The following PTPRD variants were observed in gnomAD, a reference collection of about 807,000 sequenced individuals.
PTPRD encodes the protein protein tyrosine phosphatase receptor type D.
PTPRD carries 34 observed loss-of-function variants against 214.5 expected under a neutral mutation model. The ratio of observed to expected loss-of-function variants is 0.16; its 90% confidence interval spans 0.12 to 0.21. PTPRD has a LOEUF of 0.21. Among genes scored for constraint, PTPRD ranks in the 10% least tolerant of loss-of-function variants. The probability of loss-of-function intolerance (pLI) is 1.00; values close to 1 mark genes in which losing one functional copy is unlikely to be tolerated. For missense variants in PTPRD, 2,545 were observed against 2,398.7 expected, an observed-to-expected ratio of 1.06 and a Z score of -1.27; for synonymous variants, 1,128 against 845.7, an observed-to-expected ratio of 1.33 and a Z score of -5.79.
At chr9:9,802,535 C>G (rs956744171) in intron 5 of PTPRD, among the ~76,000 whole-genome samples, 2 of 151,894 alleles carry the variant, frequency 1.3e-5, no homozygotes, top group African/African-American at 4.8e-5. Context: ...TTATACATCT[C>G]TGGCTCTATA....
intron 2 of PTPRD, among the ~76,000 whole-genome samples, chr9:10,541,827 T>C (rs1284261968): frequency 1.3e-5 from 2 of 151,968 alleles, no homozygotes; most frequent in Non-Finnish European, 1.5e-5. Context: ...CCAAAATGGG[T>C]TAAATATATT....
chr9:9,056,884 T>A (rs1477525065), intron 10 of PTPRD, among the ~76,000 whole-genome samples: 1 of 152,216 alleles, frequency 6.6e-6, no homozygotes, highest in Non-Finnish European at 1.5e-5. Flanking sequence ...AAAGAATCCA[T>A]CAGGATGATG....
chr9:10,347,823 C>T (rs980325159), intron 2 of PTPRD, among the ~76,000 whole-genome samples: 11 of 151,934 alleles, frequency 7.2e-5, no homozygotes, highest in Non-Finnish European at 1.5e-4. Context: ...TTTGGGAGGC[C>T]GAGGCAGGAG....
chr9:9,031,033 CTT>C (rs1418170529), intron 10 of PTPRD, among the ~76,000 whole-genome samples: 1 of 151,786 alleles, frequency 6.6e-6, no homozygotes, highest in Non-Finnish European at 1.5e-5. Context: ...GTACTTAAGA[CTT>C]TGGTAAAATG....
intron 5 of PTPRD, among the ~76,000 whole-genome samples, chr9:9,878,069 A>G (rs918774214): frequency 2.6e-4 from 40 of 151,666 alleles, no homozygotes; most frequent in Admixed American, 2.6e-3. Context: ...TGATTGTTTG[A>G]TCAGATAAAG....
intron 3 of PTPRD, among the ~76,000 whole-genome samples, chr9:10,303,816 C>T (rs931655041): frequency 2.4e-4 from 37 of 152,070 alleles, no homozygotes; most frequent in African/African-American, 8.9e-4. Flanking sequence ...GGATTCACAG[C>T]CAAATTCTAC....
At chr9:9,606,152 A>C (rs922563419) in intron 7 of PTPRD, among the ~76,000 whole-genome samples, 5 of 152,080 alleles carry the variant, frequency 3.3e-5, no homozygotes. Flanking sequence ...AGATAACCAT[A>C]AGCACTTTAA....
intron 10 of PTPRD, among the ~76,000 whole-genome samples, chr9:9,061,258 C>G (rs553009273): frequency 3.9e-5 from 6 of 152,246 alleles, no homozygotes; most frequent in African/African-American, 1.4e-4. Flanking sequence ...CAAAAGAAAA[C>G]AGACAAAGCA....
chr9:8,499,088 T>G (rs1009358661), intron 25 of PTPRD, among the ~76,000 whole-genome samples: 1 of 152,180 alleles, frequency 6.6e-6, no homozygotes, highest in Admixed American at 6.5e-5. Context: ...AATTCTGATT[T>G]AATTTTTAAT....
At chr9:10,452,524 G>C (rs1374894907) in intron 2 of PTPRD, among the ~76,000 whole-genome samples, 2 of 151,650 alleles carry the variant, frequency 1.3e-5, no homozygotes, top group East Asian at 1.9e-4. Flanking sequence ...TAACATGTGG[G>C]AAGGAATATC....
At chr9:9,210,267 T>C (rs2099947674) in intron 9 of PTPRD, among the ~76,000 whole-genome samples, 1 of 152,134 alleles carries the variant, frequency 6.6e-6, no homozygotes, top group Non-Finnish European at 1.5e-5. Context: ...GCTGTAACTC[T>C]TCAAAACGAA....
chr9:10,019,942 G>C (rs532496590), intron 4 of PTPRD, among the ~76,000 whole-genome samples: 9 of 150,442 alleles, frequency 6.0e-5, no homozygotes, highest in African/African-American at 2.2e-4. Flanking sequence ...AAAAATTATA[G>C]TGCTTTCTTA....
intron 11 of PTPRD, among the ~76,000 whole-genome samples, chr9:8,790,474 G>A (rs2096183858): frequency 6.6e-6 from 1 of 152,000 alleles, no homozygotes; most frequent in Non-Finnish European, 1.5e-5. Context: ...CTGTAGTGCA[G>A]TGGTGCGATC....
At chr9:10,020,371 G>A (rs1175165173) in intron 4 of PTPRD, among the ~76,000 whole-genome samples, 1 of 148,148 alleles carries the variant, frequency 6.8e-6, no homozygotes, top group African/African-American at 2.5e-5. Flanking sequence ...GCATGATCTC[G>A]GCTCACTGCG....
At chr9:9,090,388 T>C (rs1206270292) in intron 10 of PTPRD, among the ~76,000 whole-genome samples, 1 of 152,188 alleles carries the variant, frequency 6.6e-6, no homozygotes, top group Non-Finnish European at 1.5e-5. Flanking sequence ...AATGACAGGA[T>C]TTATTATTTT....
chr9:9,659,784 G>A (rs1039663899), intron 7 of PTPRD, among the ~76,000 whole-genome samples: 2 of 151,994 alleles, frequency 1.3e-5, no homozygotes, highest in African/African-American at 2.4e-5. Flanking sequence ...TTTTGTAGTT[G>A]TACTCACAAC....
chr9:8,850,489 C>T (rs1454817242), intron 11 of PTPRD, among the ~76,000 whole-genome samples: 1 of 151,940 alleles, frequency 6.6e-6, no homozygotes, highest in African/African-American at 2.4e-5. Context: ...GGCATATTTC[C>T]AATGGAAGAT....
chr9:10,218,085 G>T (rs2099549938), intron 3 of PTPRD, among the ~76,000 whole-genome samples: 1 of 151,802 alleles, frequency 6.6e-6, no homozygotes, highest in Non-Finnish European at 1.5e-5. Context: ...ATTCTATTCT[G>T]GCCAGAAACT....
At chr9:8,638,800 G>C (rs2096505516) in intron 12 of PTPRD, among the ~76,000 whole-genome samples, 1 of 152,094 alleles carries the variant, frequency 6.6e-6, no homozygotes, top group African/African-American at 2.4e-5. Flanking sequence ...TGATTACTAG[G>C]AGCTGTGGGA....
Sources: gnomAD v4.1 joint callset for allele counts (sites outside exome capture counted in the v4.1 genomes callset) on GRCh38, gnomAD v4.1.1 for gene constraint, MANE v1.5 for transcripts, NCBI Gene and HGNC (gene_info 2026-07-23, HGNC 2026-07-21) for gene names.